GFRA1: variants seen among roughly 807,000 people sequenced by gnomAD.
GFRA1 encodes GDNF family receptor alpha-1.
GFRA1 carries 16 observed loss-of-function variants against 51.6 expected under a neutral mutation model. That is an observed-to-expected ratio of 0.31 (90% CI 0.21 to 0.47). The LOEUF is 0.47. Ranked by LOEUF, GFRA1 falls within the 20% of genes least tolerant of loss-of-function variation. The pLI, the probability that GFRA1 is intolerant of heterozygous loss-of-function variation, is 1.00. For missense variants in GFRA1, 530 were observed against 594.3 expected, an observed-to-expected ratio of 0.89 and a Z score of 1.13; for synonymous variants, 270 against 241.3, an observed-to-expected ratio of 1.12 and a Z score of -1.10.
intron 4 of GFRA1, among the ~76,000 whole-genome samples, chr10:116,254,805 A>G (rs1202889428): frequency 1.3e-5 from 2 of 152,242 alleles, no homozygotes; most frequent in Non-Finnish European, 2.9e-5. Context: ...TCTCAGGGCC[A>G]GATCCTCAGA....
chr10:116,198,983 G>A (rs895773467), intron 5 of GFRA1, among the ~76,000 whole-genome samples: 3 of 152,164 alleles, frequency 2.0e-5, no homozygotes, highest in East Asian at 1.9e-4. Flanking sequence ...CAAAGACCAT[G>A]TGATGATGGA....
intron 2 of GFRA1, 62 bp from the exon 3 acceptor site, chr10:116,271,177 C>T: frequency 2.1e-6 from 3 of 1,445,116 alleles, no homozygotes; most frequent in South Asian, 1.3e-5. Context: ...GCCCCTGCTC[C>T]GGGCGAGGGC....
chr10:116,124,058 C>A (rs1387386584), intron 6 of GFRA1, among the ~76,000 whole-genome samples: 2 of 152,040 alleles, frequency 1.3e-5, no homozygotes, highest in Non-Finnish European at 2.9e-5. Flanking sequence ...GCATGCACTA[C>A]CACGCCTGGC....
chr10:116,093,895 A>AAAAG, intron 7 of GFRA1, 59 bp from the exon 8 acceptor site: 2 of 1,529,482 alleles, frequency 1.3e-6, no homozygotes, highest in Non-Finnish European at 1.8e-6. Context: ...CCATGGCCTA[A>AAAAG]AAAGAAACCA....
intron 6 of GFRA1, among the ~76,000 whole-genome samples, chr10:116,122,297 A>G (rs1333586485): frequency 6.6e-6 from 1 of 152,126 alleles, no homozygotes; most frequent in Non-Finnish European, 1.5e-5. Context: ...CCTTCACCCC[A>G]CTGCATGGTG....
At chr10:116,242,610 T>G (rs1253005127) in intron 4 of GFRA1, among the ~76,000 whole-genome samples, 3 of 151,982 alleles carry the variant, frequency 2.0e-5, no homozygotes, top group Non-Finnish European at 4.4e-5. Flanking sequence ...GCCTCCCAAG[T>G]AGCTGAGACT....
At chr10:116,136,102 A>T (rs547599225) in intron 5 of GFRA1, among the ~76,000 whole-genome samples, 41 of 152,240 alleles carry the variant, frequency 2.7e-4, no homozygotes, top group Non-Finnish European at 3.2e-4. Context: ...GACCAGAAAA[A>T]ATATCTCAGA....
chr10:116,189,413 C>T (rs1055213256), intron 5 of GFRA1, among the ~76,000 whole-genome samples: 7 of 152,130 alleles, frequency 4.6e-5, no homozygotes, highest in Non-Finnish European at 1.0e-4. Flanking sequence ...ATGTATGTTT[C>T]TTTTCCCAAA....
chr10:116,197,680 G>C (rs1476314519), intron 5 of GFRA1, among the ~76,000 whole-genome samples: 2 of 152,174 alleles, frequency 1.3e-5, no homozygotes, highest in African/African-American at 2.4e-5. Context: ...GAATTTTGTG[G>C]GGGATACAAC....
intron 4 of GFRA1, chr10:116,255,699 T>G (rs1244728439): frequency 3.1e-6 from 4 of 1,289,066 alleles, no homozygotes; most frequent in Non-Finnish European, 4.0e-6. Flanking sequence ...CTTTCCTTCC[T>G]GCATCCTAGT....
intron 9 of GFRA1, among the ~76,000 whole-genome samples, chr10:116,075,156 G>C (rs757236647): frequency 5.9e-5 from 9 of 152,090 alleles, no homozygotes; most frequent in Non-Finnish European, 1.2e-4. Flanking sequence ...AATGCACTGA[G>C]GAGGACCTTA....
At chr10:116,222,777 A>T (rs956901093) in intron 4 of GFRA1, among the ~76,000 whole-genome samples, 1 of 152,224 alleles carries the variant, frequency 6.6e-6, no homozygotes, top group Non-Finnish European at 1.5e-5. Flanking sequence ...TGTCCTGATG[A>T]ATAAAATATA....
intron 5 of GFRA1, among the ~76,000 whole-genome samples, chr10:116,136,927 ACTGAGACGTCAGCT>A (rs1958350174): frequency 1.3e-5 from 2 of 152,198 alleles, no homozygotes; most frequent in African/African-American, 4.8e-5. Flanking sequence ...CCTGTGGGTG[ACTGAGACGTCAGCT>A]CTGAAAATAA....
chr10:116,094,135 G>A (rs901500206), intron 7 of GFRA1, among the ~76,000 whole-genome samples: 6 of 152,114 alleles, frequency 3.9e-5, no homozygotes, highest in Admixed American at 3.3e-4. Context: ...CTTAGAGAAC[G>A]CATGAGTTGC....
intron 4 of GFRA1, among the ~76,000 whole-genome samples, chr10:116,232,455 G>A (rs369047096): frequency 2.6e-5 from 4 of 151,544 alleles, no homozygotes; most frequent in African/African-American, 7.3e-5. Flanking sequence ...AAAAGTTCTC[G>A]GCCATTTTTC....
chr10:116,122,284 G>T (rs969913257), intron 6 of GFRA1, among the ~76,000 whole-genome samples: 35 of 152,234 alleles, frequency 2.3e-4, no homozygotes, highest in African/African-American at 8.4e-4. Context: ...CCAGCCCAGG[G>T]ATCCTTCACC....
At chr10:116,101,044 C>T (rs752863434) in intron 6 of GFRA1, among the ~76,000 whole-genome samples, 1 of 152,188 alleles carries the variant, frequency 6.6e-6, no homozygotes, top group Non-Finnish European at 1.5e-5. Flanking sequence ...AGCCAAGATG[C>T]TGACATGTTG....
At chr10:116,244,911 AC>A (rs1199041728) in intron 4 of GFRA1, among the ~76,000 whole-genome samples, 1 of 152,210 alleles carries the variant, frequency 6.6e-6, no homozygotes, top group African/African-American at 2.4e-5. Context: ...ACACCTAAAT[AC>A]CAGTGAAATC....
chr10:116,176,580 G>A (rs544612609), intron 5 of GFRA1, among the ~76,000 whole-genome samples: 73 of 152,128 alleles, frequency 4.8e-4, no homozygotes, highest in Admixed American at 2.2e-3. Flanking sequence ...CACAGAAGCC[G>A]AGCCTATGCC....
Sources: allele counts gnomAD v4.1 joint callset (sites outside exome capture counted in the v4.1 genomes callset), GRCh38; gene constraint gnomAD v4.1.1; transcripts MANE v1.5; gene names NCBI Gene and HGNC (gene_info 2026-07-23, HGNC 2026-07-21).